Variants in ADGRL2 observed in about 807,000 individuals in gnomAD.
ADGRL2 encodes the protein adhesion G protein-coupled receptor L2, also known as calcium-independent alpha-latrotoxin receptor 2.
ADGRL2 carries 44 observed loss-of-function variants against 157.4 expected under a neutral mutation model. The ratio of observed to expected loss-of-function variants is 0.28; its 90% CI spans 0.22 to 0.36. The LOEUF (loss-of-function observed/expected upper bound fraction) is 0.36, where lower values mean the gene tolerates loss of function less well. Among genes scored for constraint, ADGRL2 ranks in the 10% least tolerant of loss-of-function variants. The pLI, the probability that ADGRL2 is intolerant of heterozygous loss-of-function variation, is 1.00. For missense variants in ADGRL2, 1,510 were observed against 1,768.9 expected, an observed-to-expected ratio of 0.85 and a Z score of 2.63; for synonymous variants, 585 against 624.7, an observed-to-expected ratio of 0.94 and a Z score of 0.95.
chr1:81,876,978 C>T (rs2093856687), intron 2 of ADGRL2, among the ~76,000 whole-genome samples: 1 of 152,076 alleles, frequency 6.6e-6, no homozygotes, highest in Admixed American at 6.6e-5. Flanking sequence ...TTCCCTGAGC[C>T]AGGATTCTCT....
intron 3 of ADGRL2, among the ~76,000 whole-genome samples, chr1:81,682,358 ACAGTAAT>A: frequency 6.6e-6 from 1 of 152,308 alleles, no homozygotes; most frequent in Non-Finnish European, 1.5e-5. Flanking sequence ...GTGATTAATG[ACAGTAAT>A]TTCTTTTTTC....
intron 2 of ADGRL2, chr1:81,557,501 G>GAAAGAA (rs764441501): frequency 4.8e-5 from 2 of 41,938 alleles, no homozygotes; most frequent in Non-Finnish European, 9.7e-5. Context: ...AAGAAAGAAA[G>GAAAGAA]AAAGAAAGAA....
chr1:81,726,394 A>G (rs887776445), intron 1 of ADGRL2, among the ~76,000 whole-genome samples: 1 of 152,202 alleles, frequency 6.6e-6, no homozygotes, highest in Admixed American at 6.5e-5. Flanking sequence ...ATAATCTACT[A>G]TGTCCCATAC....
At chr1:81,373,794 C>T (rs192730628) in intron 1 of ADGRL2, among the ~76,000 whole-genome samples, 205 of 152,164 alleles carry the variant, frequency 1.3e-3, no homozygotes, top group Admixed American at 2.4e-3. Context: ...AATGATGACA[C>T]GGAGGGTGGG....
intron 1 of ADGRL2, among the ~76,000 whole-genome samples, chr1:81,711,050 T>G (rs910135231): frequency 2.0e-5 from 3 of 152,208 alleles, no homozygotes; most frequent in African/African-American, 7.2e-5. Flanking sequence ...ATTTCCCATA[T>G]GTCAGCATAT....
At chr1:81,324,378 A>T (rs971065449) in intron 1 of ADGRL2, among the ~76,000 whole-genome samples, 10 of 151,544 alleles carry the variant, frequency 6.6e-5, no homozygotes, top group Non-Finnish European at 1.0e-4. Context: ...GCATGGTGGC[A>T]TGTGCCTGTA....
At chr1:81,823,561 A>G (rs553440903) in intron 1 of ADGRL2, among the ~76,000 whole-genome samples, 27 of 152,290 alleles carry the variant, frequency 1.8e-4, no homozygotes, top group Admixed American at 1.7e-3. Context: ...GCCATCTTTC[A>G]TCATAACTGT....
intron 1 of ADGRL2, among the ~76,000 whole-genome samples, chr1:81,324,862 G>T (rs377756548): frequency 6.6e-6 from 1 of 151,870 alleles, no homozygotes. Flanking sequence ...GATTGCAGGC[G>T]CCCACCACCA....
At chr1:81,381,577 GA>G (rs71592735) in intron 1 of ADGRL2, among the ~76,000 whole-genome samples, 2 of 149,816 alleles carry the variant, frequency 1.3e-5, no homozygotes, top group Non-Finnish European at 3.0e-5. Flanking sequence ...TGTCTCAAAG[GA>G]AAAAAAAATA....
intron 2 of ADGRL2, among the ~76,000 whole-genome samples, chr1:81,469,868 A>C (rs1379651840): frequency 6.6e-6 from 1 of 152,188 alleles, no homozygotes; most frequent in Non-Finnish European, 1.5e-5. Flanking sequence ...ATCCTATGCA[A>C]TTCAGCTCTT....
chr1:81,876,690 A>T (rs2093850496), intron 2 of ADGRL2, among the ~76,000 whole-genome samples: 1 of 152,180 alleles, frequency 6.6e-6, no homozygotes, highest in Non-Finnish European at 1.5e-5. Flanking sequence ...GAGGGATCAG[A>T]TGCACAGTAG....
intron 2 of ADGRL2, among the ~76,000 whole-genome samples, chr1:81,876,750 A>G (rs2093851350): frequency 6.6e-6 from 1 of 152,180 alleles, no homozygotes; most frequent in African/African-American, 2.4e-5. Context: ...TTAGTGACAG[A>G]ATCCAGATAA....
At chr1:81,426,736 T>C in intron 1 of ADGRL2, 1 of 469,538 alleles carries the variant, frequency 2.1e-6, no homozygotes, top group South Asian at 1.7e-5. Context: ...CAACAACATG[T>C]GCTCAACCAC....
chr1:81,715,000 A>G (rs2084062395), intron 1 of ADGRL2, among the ~76,000 whole-genome samples: 1 of 151,424 alleles, frequency 6.6e-6, no homozygotes, highest in African/African-American at 2.4e-5. Flanking sequence ...CCAGTTTTTA[A>G]CCTGCTTTGT....
At chr1:81,795,976 T>TTTTGTTTTGC (rs2087565169), upstream of ADGRL2, among the ~76,000 whole-genome samples, 1 of 129,530 alleles carries the variant, frequency 7.7e-6, no homozygotes, top group African/African-American at 4.0e-5. Context: ...GGTATTTTAT[T>TTTTGTTTTGC]TTTGTTTTGT....
intron 2 of ADGRL2, among the ~76,000 whole-genome samples, chr1:81,888,618 A>G (rs756084566): frequency 9.9e-5 from 15 of 151,850 alleles, no homozygotes; most frequent in Non-Finnish European, 2.1e-4. Context: ...TTGTTTTTGT[A>G]TTTTTAGTAG....
At chr1:81,769,184 G>A (rs1420400022) in intron 2 of ADGRL2, among the ~76,000 whole-genome samples, 1 of 152,054 alleles carries the variant, frequency 6.6e-6, no homozygotes, top group Non-Finnish European at 1.5e-5. Flanking sequence ...TCTAATTTGT[G>A]CATTGTTTTT....
At chr1:81,426,214 G>A (rs561888983) in intron 1 of ADGRL2, among the ~76,000 whole-genome samples, 1 of 152,160 alleles carries the variant, frequency 6.6e-6, no homozygotes, top group Non-Finnish European at 1.5e-5. Context: ...CTTAGCAAAG[G>A]GGGTTTGCTT....
chr1:81,731,860 G>A (rs1244046325), intron 1 of ADGRL2, among the ~76,000 whole-genome samples: 1 of 152,156 alleles, frequency 6.6e-6, no homozygotes, highest in East Asian at 1.9e-4. Context: ...ACTGTGCTAA[G>A]CACTTGAGAT....
Sources: gnomAD v4.1 joint callset for allele counts (sites outside exome capture counted in the v4.1 genomes callset) on GRCh38, gnomAD v4.1.1 for gene constraint, MANE v1.5 for transcripts, NCBI Gene and HGNC (gene_info 2026-07-23, HGNC 2026-07-21) for gene names.